The following ZFPM1 variants were observed in gnomAD, a reference collection of about 807,000 sequenced individuals.
ZFPM1 encodes the protein zinc finger protein ZFPM1.
ZFPM1 carries 28 observed loss-of-function variants against 46.3 expected under a neutral mutation model. That is an observed-to-expected ratio of 0.60 (90% CI 0.45 to 0.83). The LOEUF (loss-of-function observed/expected upper bound fraction) is 0.83. Among genes scored for constraint, ZFPM1 ranks in the 40% least tolerant of loss-of-function variants. The probability of loss-of-function intolerance (pLI) is 0.00; values close to 1 mark genes in which losing one functional copy is unlikely to be tolerated. For synonymous variants in ZFPM1, 957 were observed against 675.9 expected (o/e 1.42, Z -6.45); for missense variants, 1,878 against 1,432.4 (o/e 1.31, Z -5.02).
chr16:88,489,967 G>A (rs1909466583), intron 3 of ZFPM1, among the ~76,000 whole-genome samples: 1 of 152,132 alleles, frequency 6.6e-6, no homozygotes, highest in African/African-American at 2.4e-5. Flanking sequence ...GCGGGGTGGG[G>A]GTCGCAAGGT....
chr16:88,529,809 G>A (rs1470014508), intron 6 of ZFPM1, among the ~76,000 whole-genome samples: 1 of 152,058 alleles, frequency 6.6e-6, no homozygotes, highest in Non-Finnish European at 1.5e-5. Context: ...CAGAGAGGAG[G>A]CCTGCACAGG....
At chr16:88,468,012 C>T (rs180866087) in intron 1 of ZFPM1, among the ~76,000 whole-genome samples, 108 of 149,420 alleles carry the variant, frequency 7.2e-4, no homozygotes, top group Non-Finnish European at 1.3e-3. Flanking sequence ...AGCCCCCCAC[C>T]GCCCCTCACA....
intron 4 of ZFPM1, among the ~76,000 whole-genome samples, chr16:88,519,613 T>C (rs1399168803): frequency 1.0e-5 from 1 of 99,214 alleles, no homozygotes; most frequent in Non-Finnish European, 2.0e-5. Flanking sequence ...GATGGGAGAG[T>C]GGGTGGATGC....
intron 3 of ZFPM1, among the ~76,000 whole-genome samples, chr16:88,496,666 A>G (rs1379553361): frequency 6.6e-6 from 1 of 151,826 alleles, no homozygotes; most frequent in Non-Finnish European, 1.5e-5. Flanking sequence ...AGAAAGCAAC[A>G]GAGAGGGGGC....
intron 1 of ZFPM1, among the ~76,000 whole-genome samples, chr16:88,454,666 C>G (rs1238375837): frequency 1.3e-5 from 2 of 152,260 alleles, no homozygotes; most frequent in Non-Finnish European, 2.9e-5. Context: ...TGGGCTGTGC[C>G]AGGAGGGAGC....
chr16:88,519,549 A>AGGATGGAT (rs373170487), intron 4 of ZFPM1, among the ~76,000 whole-genome samples: 1 of 109,666 alleles, frequency 9.1e-6, no homozygotes, highest in African/African-American at 3.5e-5. Context: ...GGTGGCTGAA[A>AGGATGGAT]GGATGGATGG....
intron 3 of ZFPM1, among the ~76,000 whole-genome samples, chr16:88,498,729 G>A (rs1910082856): frequency 1.3e-5 from 2 of 152,254 alleles, no homozygotes; most frequent in South Asian, 4.1e-4. Context: ...TCGCAGGGGT[G>A]AGGCAGCAGT....
At position 88,534,054 on chromosome 16, in the gene ZFPM1, C is replaced by G; in HGVS notation, c.2096C>G (p.Thr699Ser). 2 of 1,329,526 alleles carry G rather than the reference C, an allele frequency of 1.5e-6. No homozygotes were observed. The highest frequency in any genetic ancestry group is 1.3e-5 in the South Asian group (1 of 79,534). The allele number at this position is 1,329,526 out of a possible 1,614,324, so 82.4% of individuals were successfully genotyped here. A position where few individuals can be genotyped will look rare whatever the true frequency, so the allele number is the denominator to read the frequency against. ...CGCTTCAGCCGCCACGAGACCTACA[C>G]CGTGCACAAGCGGTACTACTGCGCC... ...NIRFSRHETY[T>S]VHKRYYCASR... The change falls in exon 10 of 10, where the codon ACC (threonine) becomes AGC (serine). Residue 699 changes from threonine (T) to serine (S), a missense_variant. Physicochemically the swap from Thr to Ser is moderately conservative, Grantham distance 58 (BLOSUM62 1). Coordinates refer to ENST00000319555, the MANE Select transcript of ZFPM1 (RefSeq NM_153813.3).
intron 1 of ZFPM1, among the ~76,000 whole-genome samples, chr16:88,462,824 G>T (rs1907958838): frequency 6.8e-6 from 1 of 146,458 alleles, no homozygotes; most frequent in African/African-American, 2.4e-5. Flanking sequence ...GCCACCCTGA[G>T]CCTCAGTTTC....
chr16:88,452,925 G>T (rs890615551), upstream of ZFPM1, among the ~76,000 whole-genome samples: 5 of 152,206 alleles, frequency 3.3e-5, no homozygotes, highest in African/African-American at 9.6e-5. Context: ...AAAGAGGAGT[G>T]GGGGAGGCTA....
chr16:88,493,062 G>A (rs1368246910), intron 3 of ZFPM1, among the ~76,000 whole-genome samples: 7 of 151,306 alleles, frequency 4.6e-5, no homozygotes, highest in Non-Finnish European at 4.4e-5. Flanking sequence ...CCGGGGTGCG[G>A]AGAGCTGTCC....
chr16:88,511,753 C>T (rs896596418), intron 3 of ZFPM1, among the ~76,000 whole-genome samples: 33 of 152,282 alleles, frequency 2.2e-4, no homozygotes, highest in African/African-American at 7.2e-4. Context: ...TTGCACAGGT[C>T]GAATGCTGCA....
chr16:88,465,173 C>G (rs914771130), intron 1 of ZFPM1, among the ~76,000 whole-genome samples: 1 of 152,208 alleles, frequency 6.6e-6, no homozygotes, highest in Non-Finnish European at 1.5e-5. Flanking sequence ...GCACAGACCC[C>G]GTGTCCGGAG....
At position 88,485,923 on chromosome 16, in the gene ZFPM1, C is replaced by A; in HGVS notation, c.41-16C>A. 2 of 1,611,772 alleles carry A rather than the reference C, an allele frequency of 1.2e-6. No homozygotes were observed. Among genetic ancestry groups the A allele is most frequent in the Non-Finnish European group, 1.7e-6 (2 of 1,179,032 alleles). On this transcript the variant is annotated splice_polypyrimidine_tract_variant and intron_variant, in intron 1 of 9. Transcript: ENST00000319555. ...CCCAGAGCTCCTCCCGAACCCCCAT[C>A]GTCTTGTGTCCACAGGTTCCCTCGG...
intron 4 of ZFPM1, among the ~76,000 whole-genome samples, chr16:88,521,726 TCCC>T (rs1567550785): frequency 6.9e-5 from 3 of 43,504 alleles, no homozygotes; most frequent in Non-Finnish European, 7.7e-5. Context: ...CTGTTCCCCC[TCCC>T]CTGTGCTGTT....
At chr16:88,511,414 G>C (rs1372691730) in intron 3 of ZFPM1, among the ~76,000 whole-genome samples, 1 of 152,108 alleles carries the variant, frequency 6.6e-6, no homozygotes, top group Non-Finnish European at 1.5e-5. Context: ...CCATCTCCAT[G>C]GGTGCCACTG....
intron 9 of ZFPM1, 47 bp from the exon 10 acceptor site, chr16:88,533,101 A>G: frequency 8.7e-7 from 1 of 1,152,566 alleles, no homozygotes; most frequent in Non-Finnish European, 1.1e-6. Flanking sequence ...CTGACCGGCC[A>G]GGTCCTGCCC....
intron 2 of ZFPM1, 110 bp from the exon 3 acceptor site, chr16:88,488,921 C>A: frequency 4.7e-6 from 7 of 1,481,978 alleles, no homozygotes; most frequent in Non-Finnish European, 6.3e-6. Context: ...GCTCTGGGCC[C>A]GAGCTCCCCA....
Position 88,461,352 on chromosome 16 carries a change from C to T in ZFPM1, c.40+7674C>T, listed in dbSNP as rs116011904. On this transcript the variant is annotated intron_variant, in intron 1 of 9. Coordinates refer to ENST00000319555, the MANE Select transcript of ZFPM1 (RefSeq NM_153813.3). The stretch of plus-strand genomic sequence containing the variant: ...CATCCCCACCGCAGGGGCTTTGCCC[C>T]GCCACCTGGGCTGCACCCTCAGGGC... Among the ~76,000 whole-genome samples the T allele has an allele frequency of 7.8e-3, 1,192 of 152,210 alleles. 23 individuals carry two copies. The highest frequency in any genetic ancestry group is 0.028 in the African/African-American group (1,146 of 41,520).
Sources: allele counts gnomAD v4.1 joint callset (sites outside exome capture counted in the v4.1 genomes callset), GRCh38; gene constraint gnomAD v4.1.1; transcripts MANE v1.5; gene names NCBI Gene and HGNC (gene_info 2026-07-23, HGNC 2026-07-21).